Variants in RBM26 observed in about 807,000 individuals in gnomAD.
RBM26 encodes the protein RNA-binding protein 26.
A neutral mutation model predicts 123.6 loss-of-function variants in RBM26; 30 were observed. The ratio of observed to expected loss-of-function variants is 0.24; its 90% CI spans 0.18 to 0.33. The LOEUF (loss-of-function observed/expected upper bound fraction) is 0.33, where lower values mean the gene tolerates loss of function less well. RBM26 is among the 10% of genes least tolerant of loss of function. The pLI is 1.00. For missense variants in RBM26, 947 were observed against 1,203.6 expected (o/e 0.79, Z 3.15); for synonymous variants, 400 against 404.4 (o/e 0.99, Z 0.13).
chr13:79,355,041 T>G (rs566623521), intron 12 of RBM26, among the ~76,000 whole-genome samples, 179 bp downstream of exon 12: 1 of 152,258 alleles, frequency 6.6e-6, no homozygotes, highest in African/African-American at 2.4e-5. Context: ...ACATCACAAT[T>G]ATGAGAGAAC....
intron 10 of RBM26, among the ~76,000 whole-genome samples, chr13:79,359,216 T>C (rs930777896): frequency 1.3e-5 from 2 of 152,156 alleles, no homozygotes; most frequent in Non-Finnish European, 2.9e-5. Flanking sequence ...ACTGCCTACA[T>C]ATGAAAGTCT....
intron 6 of RBM26, 61 bp downstream of exon 6, chr13:79,368,669 A>G: frequency 2.0e-6 from 3 of 1,506,526 alleles, no homozygotes; most frequent in Non-Finnish European, 2.7e-6. Context: ...CAACATAAAC[A>G]CAGAATTTAG....
chr13:79,384,342 C>T (rs570871579), intron 1 of RBM26, among the ~76,000 whole-genome samples: 2 of 150,806 alleles, frequency 1.3e-5, no homozygotes, highest in African/African-American at 4.9e-5. Context: ...TTCATTGAAA[C>T]CTTGAACTCC....
chr13:79,350,595 T>C lies in RBM26; in HGVS notation c.2058+2558A>G, dbSNP rs562564036. The stretch of plus-strand genomic sequence containing the variant: ...TCCTCACGAAAATGGGGTCTCAGGA[T>C]AAAGAATAATCACTAAAGGTTTTAC... On this transcript the variant is annotated intron_variant, in intron 14 of 21. Transcript: ENST00000438737. Among the ~76,000 whole-genome samples the C allele has an allele frequency of 1.9e-4, 29 of 152,302 alleles. No individual in the cohort carries two copies. In the East Asian group the frequency reaches 1.9e-3, roughly 10 times the overall value.
At chr13:79,366,352 T>A in intron 7 of RBM26, 157 bp from the exon 8 acceptor site, 1 of 474,662 alleles carries the variant, frequency 2.1e-6, no homozygotes, top group Non-Finnish European at 2.7e-6. Flanking sequence ...AATATCCTTT[T>A]AATACATTCC....
At chr13:79,375,089 T>TATATTTATATATCATATAA (rs2076542741) in intron 3 of RBM26, among the ~76,000 whole-genome samples, 2 of 94,982 alleles carry the variant, frequency 2.1e-5, no homozygotes, top group Non-Finnish European at 4.5e-5. Flanking sequence ...TATATATAAA[T>TATATTTATATATCATATAA]ATATATTTAT....
chr13:79,397,680 CAAAAAAAAAAAA>C (rs561587209), intron 1 of RBM26, among the ~76,000 whole-genome samples: 2 of 63,256 alleles, frequency 3.2e-5, no homozygotes, highest in African/African-American at 7.2e-5. Context: ...GACTCCATCT[CAAAAAAAAAAAA>C]AAAAAAAAAA....
At chr13:79,354,077 G>A (rs2073652844) in intron 13 of RBM26, among the ~76,000 whole-genome samples, 1 of 152,074 alleles carries the variant, frequency 6.6e-6, no homozygotes, top group African/African-American at 2.4e-5. Context: ...CTCCGGAACA[G>A]AATTCTAATT....
intron 9 of RBM26, among the ~76,000 whole-genome samples, chr13:79,363,381 G>C (rs1264653964): frequency 2.0e-5 from 3 of 152,112 alleles, no homozygotes; most frequent in Non-Finnish European, 4.4e-5. Flanking sequence ...GAATAGATGA[G>C]AACACATGGT....
intron 1 of RBM26, among the ~76,000 whole-genome samples, chr13:79,405,483 A>C (rs2079451411): frequency 6.6e-6 from 1 of 151,948 alleles, no homozygotes; most frequent in Non-Finnish European, 1.5e-5. Flanking sequence ...ATATAACGGG[A>C]AAACGAGAGC....
chr13:79,331,368 C>A (rs373981745), intron 20 of RBM26, among the ~76,000 whole-genome samples: 5 of 151,882 alleles, frequency 3.3e-5, no homozygotes, highest in African/African-American at 1.2e-4. Flanking sequence ...TGCCTGTAAC[C>A]CCAGCACTTT....
intron 16 of RBM26, among the ~76,000 whole-genome samples, chr13:79,343,857 T>C (rs1014581676): frequency 6.6e-6 from 1 of 151,942 alleles, no homozygotes; most frequent in African/African-American, 2.4e-5. Flanking sequence ...TTCCAAATGC[T>C]CAACAGTCAG....
At chr13:79,386,996 G>A (rs1470501942) in intron 1 of RBM26, among the ~76,000 whole-genome samples, 2 of 152,012 alleles carry the variant, frequency 1.3e-5, no homozygotes, top group East Asian at 3.9e-4. Flanking sequence ...ATGCTGTGTG[G>A]TTATATATGT....
chr13:79,379,809 CATT>C (rs1463027205), intron 1 of RBM26, among the ~76,000 whole-genome samples: 2 of 150,202 alleles, frequency 1.3e-5, no homozygotes, highest in Non-Finnish European at 1.5e-5. Flanking sequence ...CCGAGACTAA[CATT>C]ATAAGAGAAA....
intron 11 of RBM26, among the ~76,000 whole-genome samples, chr13:79,357,662 G>A (rs1025520829): frequency 6.6e-6 from 1 of 152,080 alleles, no homozygotes; most frequent in Non-Finnish European, 1.5e-5. Flanking sequence ...ACAAAAATCT[G>A]ACTAAAATTT....
In RBM26 at chr13:79,341,192, T is replaced by C; in HGVS notation, c.2463A>G (p.Leu821=). 6.2e-7 allele frequency: 1 copy of C among 1,609,906 alleles called. No individual in the cohort carries two copies. Among genetic ancestry groups the C allele is most frequent in the Non-Finnish European group, 8.5e-7 (1 of 1,177,362 alleles). ...CTTCTCCAGCCTGCATCTTCTTATA[T>C]AAATCCAGTTCTGTGTCAAGTAATT... ...QKELLDTELD[L]YKKMQAGEEV... Residue 821 remains leucine, a synonymous_variant, in exon 18 of 22, where the codon TTA becomes TTG. Coordinates refer to ENST00000438737, the MANE Select transcript of RBM26 (RefSeq NM_001366735.2).
At chr13:79,380,772 T>A (rs1258347468) in intron 1 of RBM26, among the ~76,000 whole-genome samples, 6 of 152,168 alleles carry the variant, frequency 3.9e-5, no homozygotes, top group Non-Finnish European at 7.4e-5. Context: ...CCTCTCCCTA[T>A]CTCCCTACCA....
rs776345304 is a variant in RBM26, at chr13:79,367,406, CAAA to C, written c.896-537_896-535del. 5.0e-4 allele frequency among the ~76,000 whole-genome samples: 20 copies of C among 39,662 alleles called. 1 individual carries two copies. Among genetic ancestry groups the C allele is most frequent in the East Asian group, 1.7e-3 (1 of 606 alleles). 26.0% of individuals were successfully genotyped at this position (39,662 alleles called of 152,430 possible). On this transcript the variant is annotated intron_variant, in intron 6 of 21. Coordinates refer to ENST00000438737, the MANE Select transcript of RBM26 (RefSeq NM_001366735.2). ...TGGGGTATAGGGGGAGACTCCATCT[CAAA>C]AAAAAAAAAAAAAAAAAAAAAAAGA...
At chr13:79,386,590 T>TAAAAAAAA (rs1566561287) in intron 1 of RBM26, among the ~76,000 whole-genome samples, 1 of 22,114 alleles carries the variant, frequency 4.5e-5, no homozygotes, top group Non-Finnish European at 1.6e-4. Flanking sequence ...AACTCTCTCT[T>TAAAAAAAA]TAAAAAAAAA....
Sources: gnomAD v4.1 joint callset for allele counts (sites outside exome capture counted in the v4.1 genomes callset) on GRCh38, gnomAD v4.1.1 for gene constraint, MANE v1.5 for transcripts, NCBI Gene and HGNC (gene_info 2026-07-23, HGNC 2026-07-21) for gene names.